SPTBN2: variants seen among roughly 807,000 people sequenced by gnomAD.
SPTBN2 encodes the protein spectrin beta, non-erythrocytic 2.
Under a neutral mutation model 284.2 loss-of-function variants are expected in SPTBN2, and 107 were observed. That is an observed-to-expected ratio of 0.38 (90% CI 0.32 to 0.44). The LOEUF (loss-of-function observed/expected upper bound fraction) is 0.44. Ranked by LOEUF, SPTBN2 falls within the 20% of genes least tolerant of loss-of-function variation. The pLI is 1.00. For synonymous variants in SPTBN2, 1,289 were observed against 1,354.8 expected, an observed-to-expected ratio of 0.95 and a Z score of 1.07; for missense variants, 2,569 against 3,287.1, an observed-to-expected ratio of 0.78 and a Z score of 5.34.
chr11:66,729,666 T>C (rs1172513538), upstream of SPTBN2, among the ~76,000 whole-genome samples: 1 of 152,080 alleles, frequency 6.6e-6, no homozygotes, highest in African/African-American at 2.4e-5. Flanking sequence ...ATAAAATGGG[T>C]TGGGAGGAGG....
In SPTBN2 at chr11:66,699,468, C is replaced by T. The variant is rs1353581965; in HGVS notation, c.3714G>A (p.Leu1238=). The change falls in exon 18 of 38, where the codon CTG becomes CTA. Residue 1238 remains leucine (L), a synonymous_variant. Coordinates refer to ENST00000533211, the MANE Select transcript of SPTBN2 (RefSeq NM_006946.4). The stretch of plus-strand genomic sequence containing the variant: ...CGGCGTGGATGTTGCCTTCAGATAC[C>T]AGCTGGCGGCCAGCCTCCAGGAGCC... ...IHGLLEAGRQ[L]VSEGNIHADK... 6.2e-7 allele frequency: 1 copy of T among 1,614,142 alleles called. No individual in the cohort carries two copies. The highest frequency in any genetic ancestry group is 1.7e-5 in the Admixed American group (1 of 60,016).
chr11:66,734,487 T>G (rs1046177531), intron 1 of SPTBN2, among the ~76,000 whole-genome samples: 2 of 152,062 alleles, frequency 1.3e-5, no homozygotes, highest in Non-Finnish European at 2.9e-5. Flanking sequence ...TTCCCCAGTG[T>G]TTATGGGATT....
In SPTBN2 at chr11:66,684,960, GGAA is replaced by G. The variant is rs1940017243; in HGVS notation, c.*908_*910del. The stretch of plus-strand genomic sequence containing the variant: ...ACAAGTGAAGAAAATTGTGCACCAG[GGAA>G]GGAGTCCCTCATTGCTTTTTAACAT... On this transcript the variant is annotated 3_prime_UTR_variant, in exon 38 of 38. Coordinates refer to ENST00000533211, the MANE Select transcript of SPTBN2 (RefSeq NM_006946.4). Among the ~76,000 whole-genome samples the G allele has an allele frequency of 6.6e-6, 1 of 152,130 alleles. No homozygotes were observed. Among genetic ancestry groups the G allele is most frequent in the Admixed American group, 6.6e-5 (1 of 15,256 alleles).
At chr11:66,703,685 C>T (rs1400378624) in intron 15 of SPTBN2, among the ~76,000 whole-genome samples, 1 of 151,470 alleles carries the variant, frequency 6.6e-6, no homozygotes, top group Non-Finnish European at 1.5e-5. Context: ...TGCAGTGAGC[C>T]GAGATCGCAC....
In SPTBN2 at chr11:66,704,455, T is replaced by C. The variant is rs149882612; in HGVS notation, c.2678+143A>G. 4 of 1,031,126 alleles carry C rather than the reference T, an allele frequency of 3.9e-6. No homozygotes were observed. The African/African-American group carries it at 4.8e-5, about 12-fold the overall frequency. 63.9% of individuals were successfully genotyped at this position (1,031,126 alleles called of 1,614,324 possible). A position where few individuals can be genotyped will look rare whatever the true frequency, so the allele number is the denominator to read the frequency against. ...TCTCTACTTGTGAGTATGGTTAACA[T>C]TTTTTGTTAAAACTAGAAATGGACA... is the stretch of plus-strand genomic sequence containing the variant. On this transcript the variant is annotated intron_variant, in intron 15 of 37. Coordinates refer to ENST00000533211, the MANE Select transcript of SPTBN2 (RefSeq NM_006946.4).
In SPTBN2 at chr11:66,693,288, C is replaced by T; in HGVS notation, c.4752G>A (p.Leu1584=). 1 of 1,613,800 alleles carries T rather than the reference C, an allele frequency of 6.2e-7. No homozygotes were observed. Among genetic ancestry groups the T allele is most frequent in the African/African-American group, 1.3e-5 (1 of 75,074 alleles). Residue 1584 remains leucine (L), a synonymous_variant, in exon 24 of 38, where the codon CTG becomes CTA. Transcript: ENST00000533211. The surrounding 1 kb of genome is among the most constrained non-coding windows in gnomAD (Gnocchi z 5.7). ...ACTGCTGGGCTCGCAGGGCATCCTC[C>T]AGTCGCTTCCCTCGAAGTTCCAGCT... ...GHELELRGKR[L]EDALRAQQFY...
Position 66,683,655 on chromosome 11 carries a change from A to C in SPTBN2, c.*2216T>G, listed in dbSNP as rs1939928032. Among the ~76,000 whole-genome samples, 1 of 152,218 alleles carries C rather than the reference A, an allele frequency of 6.6e-6. No individual in the cohort carries two copies. Among genetic ancestry groups the C allele is most frequent in the South Asian group, 2.1e-4 (1 of 4,828 alleles). On this transcript the variant is annotated 3_prime_UTR_variant, in exon 38 of 38. Transcript: ENST00000533211. ...CTTCAGTCTCACCTCTCCGTTGACA[A>C]TGCCTGCCCCTACTGCAGGACTGCT...
intron 31 of SPTBN2, 27 bp downstream of exon 31, chr11:66,688,626 G>A (rs1341706974): frequency 6.2e-7 from 1 of 1,613,044 alleles, no homozygotes; most frequent in Non-Finnish European, 8.5e-7. Flanking sequence ...AGGTTGGAGT[G>A]GGCATCCGGG....
chr11:66,736,833 G>C (rs1295709113), intron 1 of SPTBN2, among the ~76,000 whole-genome samples: 3 of 152,198 alleles, frequency 2.0e-5, no homozygotes, highest in Admixed American at 6.5e-5. Flanking sequence ...CTGTATCTCA[G>C]CCTAATTTAC....
rs1942536824 is a variant in SPTBN2, at chr11:66,724,328, C to A, written c.-113-2888G>T. Among the ~76,000 whole-genome samples, 5 of 152,180 alleles carry A rather than the reference C, an allele frequency of 3.3e-5. No individual in the cohort carries two copies. The South Asian group carries it at 1.0e-3, about 32-fold the overall frequency. ...GTTCCAGCTACTCGGGAGGCTGAGGCTGTCAAATTGCTTGAACCCAGGAGG... is the reference window on the plus strand; with the variant it reads ...GTTCCAGCTACTCGGGAGGCTGAGGATGTCAAATTGCTTGAACCCAGGAGG... On this transcript the variant is annotated intron_variant, in intron 1 of 37. Coordinates refer to ENST00000533211, the MANE Select transcript of SPTBN2 (RefSeq NM_006946.4).
At chr11:66,690,355 T>C in intron 27 of SPTBN2, 72 bp from the exon 28 acceptor site, 1 of 1,477,822 alleles carries the variant, frequency 6.8e-7, no homozygotes, top group Non-Finnish European at 9.0e-7. Context: ...CAGTCCTGGC[T>C]GCCACTCTCA....
chr11:66,734,031 G>A (rs1010325480), upstream of SPTBN2, among the ~76,000 whole-genome samples: 1 of 150,510 alleles, frequency 6.6e-6, no homozygotes, highest in African/African-American at 2.4e-5. Context: ...AAATCCAGCT[G>A]TTAGTTTCCA....
At position 66,713,593 on chromosome 11, in the gene SPTBN2, T is replaced by C. The variant is rs773041770; in HGVS notation, c.772+38A>G. The C allele has an allele frequency of 2.6e-6, 4 of 1,567,492 alleles. No homozygotes were observed. In the Admixed American group the frequency reaches 5.0e-5, roughly 20 times the overall value. On this transcript the variant is annotated intron_variant, in intron 8 of 37. Coordinates refer to ENST00000533211, the MANE Select transcript of SPTBN2 (RefSeq NM_006946.4). ...CAACCACTGGTCCACCTCCTGTCTCTACCCTACCACCTCTTTTTCACATAG... is the reference window on the plus strand; with the variant it reads ...CAACCACTGGTCCACCTCCTGTCTCCACCCTACCACCTCTTTTTCACATAG...
chr11:66,710,176 GGGATGACA>G lies in SPTBN2; in HGVS notation c.1073+398_1073+405del. 6.6e-6 allele frequency among the ~76,000 whole-genome samples: 1 copy of G among 152,348 alleles called. No individual in the cohort carries two copies. The highest frequency in any genetic ancestry group is 1.5e-5 in the Non-Finnish European group (1 of 68,034). On this transcript the variant is annotated intron_variant, in intron 10 of 37. Transcript: ENST00000533211. This position sits in a 1 kb window ranked among gnomAD's most constrained non-coding sequence, Gnocchi z 4.9. ...TCCTGCCTCAGCCTCCCGAGTAGCT[GGGATGACA>G]GGCGTGTGCCACCATGCCCAGCTAA...
At position 66,687,112 on chromosome 11, in the gene SPTBN2, C is replaced by A. The variant is rs1456339071; in HGVS notation, c.6778G>T (p.Asp2260Tyr). Residue 2260 changes from aspartate to tyrosine, a missense_variant, in exon 36 of 38, where the codon GAT (aspartate) becomes TAT (tyrosine). Physicochemically the swap from Asp to Tyr is radical, Grantham distance 160 (BLOSUM62 -3). Transcript: ENST00000533211. The surrounding 1 kb of genome is among the most constrained non-coding windows in gnomAD (Gnocchi z 5.2). ...ACTCCCGCGCTGGCTGCCTTGGCAT[C>A]CTTGTAAAAGCCGAGGCTCCCACGC... The part of the protein sequence containing the change: ...LRRGSLGFYK[D>Y]AKAASAGVPY... The A allele has an allele frequency of 6.2e-7, 1 of 1,614,118 alleles. No individual in the cohort carries two copies. Among genetic ancestry groups the A allele is most frequent in the Non-Finnish European group, 8.5e-7 (1 of 1,180,048 alleles).
chr11:66,709,135 C>G, intron 10 of SPTBN2, 116 bp from the exon 11 acceptor site: 1 of 846,716 alleles, frequency 1.2e-6, no homozygotes, highest in Non-Finnish European at 2.0e-6. Flanking sequence ...GCAATATAAA[C>G]TTTTTATGTG....
chr11:66,735,961 AG>A (rs1478567924), intron 1 of SPTBN2, among the ~76,000 whole-genome samples: 1 of 152,204 alleles, frequency 6.6e-6, no homozygotes, highest in East Asian at 1.9e-4. Flanking sequence ...GTGGCTTGCT[AG>A]GGGAGCCTGA....
intron 13 of SPTBN2, 31 bp from the exon 14 acceptor site, chr11:66,705,868 G>A (rs1470627805): frequency 2.5e-6 from 4 of 1,609,288 alleles, no homozygotes; most frequent in East Asian, 2.2e-5. Flanking sequence ...GCACATGCCC[G>A]CCTGAGCACA....
chr11:66,698,022 G>A (rs1257123984), intron 20 of SPTBN2, among the ~76,000 whole-genome samples: 1 of 152,162 alleles, frequency 6.6e-6, no homozygotes, highest in African/African-American at 2.4e-5. Flanking sequence ...ATGTTCTGTA[G>A]GGATACTTGC....
Sources: gnomAD v4.1 joint callset for allele counts (sites outside exome capture counted in the v4.1 genomes callset) on GRCh38, gnomAD v4.1.1 for gene constraint, Gnocchi (gnomAD v3.1) non-coding constraint, MANE v1.5 for transcripts, NCBI Gene and HGNC (gene_info 2026-07-23, HGNC 2026-07-21) for gene names.